ABCG4: variants seen among roughly 807,000 people sequenced by gnomAD.
ABCG4 encodes ATP-binding cassette sub-family G member 4.
Under a neutral mutation model 64.6 loss-of-function variants are expected in ABCG4, and 35 were observed. That is an observed-to-expected ratio of 0.54 (90% CI 0.41 to 0.72). The LOEUF (loss-of-function observed/expected upper bound fraction) is 0.72, where lower values mean the gene tolerates loss of function less well. Ranked by LOEUF, ABCG4 falls within the 30% of genes least tolerant of loss-of-function variation. ABCG4 has a pLI of 0.00. For missense variants in ABCG4, 610 were observed against 846.3 expected (o/e 0.72, Z 3.46); for synonymous variants, 326 against 348.2 (o/e 0.94, Z 0.71).
chr11:119,154,492 A>G lies in ABCG4; in HGVS notation c.490-33A>G. The G allele has an allele frequency of 6.2e-7, 1 of 1,614,120 alleles. No homozygotes were observed. The highest frequency in any genetic ancestry group is 1.3e-5 in the African/African-American group (1 of 75,048). ...GGTTCAAGGCAGAGCTCCCTCCCAC[A>G]CATACTTTTCTTGCTTACTCTCTGG... On this transcript the variant is annotated intron_variant, in intron 4 of 14. Coordinates refer to ENST00000619701, the MANE Select transcript of ABCG4 (RefSeq NM_022169.5). This position sits in a 1 kb window ranked among gnomAD's most constrained non-coding sequence, Gnocchi z 7.0.
chr11:119,158,901 C>G lies in ABCG4; in HGVS notation c.1409C>G (p.Ala470Gly). ...YWYSLKAYYL[A>G]KTMADVPFQV... is the part of the protein sequence containing the mutation. ...TACAGCCTCAAAGCGTATTACCTGG[C>G]CAAGACCATGGCTGACGTGCCCTTT... is the stretch of plus-strand genomic sequence containing the variant. The change falls in exon 12 of 15, where the codon GCC becomes GGC. Residue 470 changes from alanine to glycine, a missense_variant. Physicochemically the swap from Ala to Gly is moderately conservative, Grantham distance 60. Transcript: ENST00000619701. This position sits in a 1 kb window ranked among gnomAD's most constrained non-coding sequence, Gnocchi z 4.5. 1 of 1,614,226 alleles carries G rather than the reference C, an allele frequency of 6.2e-7. No homozygotes were observed. Among genetic ancestry groups the G allele is most frequent in the Non-Finnish European group, 8.5e-7 (1 of 1,180,030 alleles).
At chr11:119,152,300 T>C (rs996841220) in intron 2 of ABCG4, among the ~76,000 whole-genome samples, 1 of 152,160 alleles carries the variant, frequency 6.6e-6, no homozygotes, top group Non-Finnish European at 1.5e-5. Flanking sequence ...CAGTTGAAGC[T>C]TTGTAAACCA....
chr11:119,156,136 T>G lies in ABCG4; in HGVS notation c.687-193T>G. 1.5e-6 allele frequency: 1 copy of G among 662,712 alleles called. No homozygotes were observed. Among genetic ancestry groups the G allele is most frequent in the South Asian group, 1.8e-5 (1 of 54,236 alleles). 41.1% of individuals were successfully genotyped at this position (662,712 alleles called of 1,614,324 possible). ...CATACAACAGGTCCTCAATATATGC[T>G]TATGAAACTGAACAGTGCTCTTGGC... On this transcript the variant is annotated intron_variant, in intron 6 of 14. Transcript: ENST00000619701. The surrounding 1 kb of genome is among the most constrained non-coding windows in gnomAD (Gnocchi z 5.5).
rs1249908670 is a variant in ABCG4, at chr11:119,160,688, G to A, written c.1715+32G>A. 1 of 1,589,716 alleles carries A rather than the reference G, an allele frequency of 6.3e-7. No individual in the cohort carries two copies. ...ACCCCTGCCCTCCTCGTTGGCCTCT[G>A]CTCCTCCCTGGAGGAGTCCATACCC... is the stretch of plus-strand genomic sequence containing the variant. On this transcript the variant is annotated intron_variant, in intron 14 of 14. Coordinates refer to ENST00000619701, the MANE Select transcript of ABCG4 (RefSeq NM_022169.5). This position sits in a 1 kb window ranked among gnomAD's most constrained non-coding sequence, Gnocchi z 4.6.
Position 119,156,581 on chromosome 11 carries a change from G to C in ABCG4, c.828G>C (p.Gln276His). 1 of 1,614,152 alleles carries C rather than the reference G, an allele frequency of 6.2e-7. No individual in the cohort carries two copies. The highest frequency in any genetic ancestry group is 8.5e-7 in the Non-Finnish European group (1 of 1,180,038). ...EMFDKLYILS[Q>H]GQCIFKGVVT... is the part of the protein sequence containing the mutation. ...TGCTGCAGCTCTACATCCTGAGCCA[G>C]GGTCAGTGCATCTTCAAAGGCGTGG... is the stretch of plus-strand genomic sequence containing the variant. Residue 276 changes from glutamine to histidine, a missense_variant, in exon 8 of 15, where the codon CAG becomes CAC. Gln to His is a conservative substitution (Grantham distance 24). Transcript: ENST00000619701. This position sits in a 1 kb window ranked among gnomAD's most constrained non-coding sequence, Gnocchi z 5.5.
chr11:119,150,345 T>C lies in ABCG4; in HGVS notation c.238+142T>C, dbSNP rs149988577. On this transcript the variant is annotated intron_variant, in intron 2 of 14. Coordinates refer to ENST00000619701, the MANE Select transcript of ABCG4 (RefSeq NM_022169.5). The surrounding 1 kb of genome is among the most constrained non-coding windows in gnomAD (Gnocchi z 4.3). ...CACTAAAATCTGGGCCCCAGCCCGT[T>C]GCTCACTGTGCACTCTTGGGGTGTC... 565 of 1,176,378 alleles carry C rather than the reference T, an allele frequency of 4.8e-4. No homozygotes were observed. The highest frequency in any genetic ancestry group is 5.5e-4 in the Admixed American group (23 of 41,734). 72.9% of individuals were successfully genotyped at this position (1,176,378 alleles called of 1,614,324 possible).
Position 119,156,161 on chromosome 11 carries a change from C to T in ABCG4, c.687-168C>T. The T allele has an allele frequency of 1.2e-6, 1 of 833,566 alleles. No homozygotes were observed. The highest frequency in any genetic ancestry group is 1.9e-6 in the Non-Finnish European group (1 of 524,142). The allele number at this position is 833,566 out of a possible 1,614,324, so 51.6% of individuals were successfully genotyped here. On this transcript the variant is annotated intron_variant, in intron 6 of 14. Transcript: ENST00000619701. This position sits in a 1 kb window ranked among gnomAD's most constrained non-coding sequence, Gnocchi z 5.5. ...TTATGAAACTGAACAGTGCTCTTGG[C>T]TTCTGGGTATCCCTCCAAGTGCCTG...
chr11:119,149,823 C>T lies in ABCG4; in HGVS notation c.-12-131C>T, dbSNP rs1399915824. ...GAGAGTGGGGGGCGGGGGCAGAGTG[C>T]GGGGCTAACAGTCGCGGATCTGCCC... is the stretch of plus-strand genomic sequence containing the variant. On this transcript the variant is annotated intron_variant, in intron 1 of 14. Transcript: ENST00000619701. This position sits in a 1 kb window ranked among gnomAD's most constrained non-coding sequence, Gnocchi z 8.3. 13 of 1,359,400 alleles carry T rather than the reference C, an allele frequency of 9.6e-6. No individual in the cohort carries two copies. Among genetic ancestry groups the T allele is most frequent in the Non-Finnish European group, 1.3e-5 (13 of 1,023,874 alleles). The allele number at this position is 1,359,400 out of a possible 1,614,324, so 84.2% of individuals were successfully genotyped here.
intron 9 of ABCG4, among the ~76,000 whole-genome samples, chr11:119,157,613 C>T (rs1314063557): frequency 3.3e-5 from 5 of 152,174 alleles, no homozygotes; most frequent in South Asian, 2.1e-4. Context: ...CAGTGGCCCA[C>T]GCCTGTAATC....
At chr11:119,157,844 C>T (rs573415674) in intron 9 of ABCG4, among the ~76,000 whole-genome samples, 22 of 152,012 alleles carry the variant, frequency 1.4e-4, no homozygotes, top group South Asian at 2.1e-4. Context: ...CCAGACTGGG[C>T]GACAGAGCGA....
chr11:119,150,290 A>T lies in ABCG4; in HGVS notation c.238+87A>T. The T allele has an allele frequency of 6.6e-7, 1 of 1,526,376 alleles. No individual in the cohort carries two copies. Among genetic ancestry groups the T allele is most frequent in the South Asian group, 1.2e-5 (1 of 81,804 alleles). The allele number at this position is 1,526,376 out of a possible 1,614,324, so 94.6% of individuals were successfully genotyped here. ...TGAGGCCTGGGTGTCCCATGTTCGG[A>T]AAGTCCTGCACCAGTGGGCTCTGTG... On this transcript the variant is annotated intron_variant, in intron 2 of 14. Coordinates refer to ENST00000619701, the MANE Select transcript of ABCG4 (RefSeq NM_022169.5). The surrounding 1 kb of genome is among the most constrained non-coding windows in gnomAD (Gnocchi z 4.3).
rs766466610 is a variant in ABCG4, at chr11:119,160,024, G to A, written c.1438-203G>A. Among the ~76,000 whole-genome samples, 8 of 151,892 alleles carry A rather than the reference G, an allele frequency of 5.3e-5. No homozygotes were observed. The highest frequency in any genetic ancestry group is 2.1e-4 in the South Asian group (1 of 4,818). On this transcript the variant is annotated intron_variant, in intron 12 of 14. Transcript: ENST00000619701. The surrounding 1 kb of genome is among the most constrained non-coding windows in gnomAD (Gnocchi z 4.6). ...AGTCAGGGTGGACCAAACGGAAGAC[G>A]TGAGACGAGATAAGTGATGGTCATA...
chr11:119,157,891 A>C (rs1053295075), intron 9 of ABCG4, among the ~76,000 whole-genome samples: 4 of 152,184 alleles, frequency 2.6e-5, no homozygotes, highest in Non-Finnish European at 5.9e-5. Flanking sequence ...CAAAACAAAA[A>C]AAACCCAAAA....
In ABCG4 at chr11:119,156,658, A is replaced by T. The variant is rs1214429256; in HGVS notation, c.905A>T (p.Tyr302Phe). 3.1e-6 allele frequency: 5 copies of T among 1,613,984 alleles called. No homozygotes were observed. The highest frequency in any genetic ancestry group is 4.2e-6 in the Non-Finnish European group (5 of 1,179,980). The change falls in exon 8 of 15, where the codon TAC becomes TTC. Residue 302 changes from tyrosine to phenylalanine, a missense_variant. Physicochemically the swap from Tyr to Phe is conservative, Grantham distance 22 (BLOSUM62 3). Coordinates refer to ENST00000619701, the MANE Select transcript of ABCG4 (RefSeq NM_022169.5). The surrounding 1 kb of genome is among the most constrained non-coding windows in gnomAD (Gnocchi z 5.5). The part of the protein sequence containing the change: ...LKGLGLHCPT[Y>F]HNPADFIIEV... Reference sequence around the variant, plus strand: ...GGACTCGGCTTGCATTGCCCCACCTACCACAACCCGGCTGACTTCAGTGAG... The same window carrying T: ...GGACTCGGCTTGCATTGCCCCACCTTCCACAACCCGGCTGACTTCAGTGAG...
At position 119,161,752 on chromosome 11, in the gene ABCG4, T is replaced by G. The variant is rs1948357508; in HGVS notation, c.*646T>G. On this transcript the variant is annotated 3_prime_UTR_variant, in exon 15 of 15. Coordinates refer to ENST00000619701, the MANE Select transcript of ABCG4 (RefSeq NM_022169.5). ...TGGGGATTGGAGAGGCCTGGGGCTG[T>G]GGGATGCCCCATCCCCCTCCCCATC... is the stretch of plus-strand genomic sequence containing the variant. 1 of 152,794 alleles carries G rather than the reference T, an allele frequency of 6.5e-6. No individual in the cohort carries two copies. The highest frequency in any genetic ancestry group is 6.5e-5 in the Admixed American group (1 of 15,300). 9.5% of individuals were successfully genotyped at this position (152,794 alleles called of 1,614,324 possible).
chr11:119,160,790 G>A lies in ABCG4; in HGVS notation c.1716-91G>A. ...CAGGGGCACCCTGGCTGCACCCCAG[G>A]GATGACAGCATTGCAGCTGGGCTCT... On this transcript the variant is annotated intron_variant, in intron 14 of 14. Coordinates refer to ENST00000619701, the MANE Select transcript of ABCG4 (RefSeq NM_022169.5). The surrounding 1 kb of genome is among the most constrained non-coding windows in gnomAD (Gnocchi z 4.6). The A allele has an allele frequency of 1.3e-6, 2 of 1,515,400 alleles. No homozygotes were observed. The highest frequency in any genetic ancestry group is 9.1e-7 in the Non-Finnish European group (1 of 1,099,640). 93.9% of individuals were successfully genotyped at this position (1,515,400 alleles called of 1,614,324 possible).
rs1433130414 is a variant in ABCG4 at position 119,149,273 on chromosome 11, C to G, written c.-103C>G. 5.9e-5 allele frequency: 9 copies of G among 151,286 alleles called. No individual in the cohort carries two copies. The highest frequency in any genetic ancestry group is 1.3e-4 in the Non-Finnish European group (9 of 67,736). The allele number at this position is 151,286 out of a possible 1,614,324, so 9.4% of individuals were successfully genotyped here. A position where few individuals can be genotyped will look rare whatever the true frequency, so the allele number is the denominator to read the frequency against. On this transcript the variant is annotated 5_prime_UTR_variant, in exon 1 of 15. Transcript: ENST00000619701. The surrounding 1 kb of genome is among the most constrained non-coding windows in gnomAD (Gnocchi z 8.3). ...GAGCCGGGACGCGGGTGCCGCAGCC[C>G]GAGGCAGGTAAGGGGAGCCCCGGCT...
chr11:119,156,909 C>G lies in ABCG4; in HGVS notation c.963C>G (p.Asn321Lys). 1 of 1,613,670 alleles carries G rather than the reference C, an allele frequency of 6.2e-7. No individual in the cohort carries two copies. Among genetic ancestry groups the G allele is most frequent in the Non-Finnish European group, 8.5e-7 (1 of 1,179,782 alleles). The change falls in exon 9 of 15, where the codon AAC (asparagine) becomes AAG (lysine). Residue 321 changes from asparagine to lysine, a missense_variant. Transcript: ENST00000619701. This position sits in a 1 kb window ranked among gnomAD's most constrained non-coding sequence, Gnocchi z 5.5. ...EVASGEYGDL[N>K]PMLFRAVQNG... ...CCTCTGGCGAGTATGGAGACCTGAA[C>G]CCCATGTTGTTCAGGGCTGTGCAGA...
rs919131196 is a variant in ABCG4 at position 119,160,939 on chromosome 11, T to C, written c.1774T>C (p.Cys592Arg). ...TGGCATGGAGCGAGGAGACCTGACA[T>C]GTTTAGAGGAACGCTGCCCGTTCCG... ...IYGMERGDLT[C>R]LEERCPFREP... Residue 592 changes from cysteine (C) to arginine (R), a missense_variant, in exon 15 of 15, where the codon TGT (cysteine) becomes CGT (arginine). Cys to Arg is a radical substitution (Grantham distance 180, BLOSUM62 -3). Transcript: ENST00000619701. The surrounding 1 kb of genome is among the most constrained non-coding windows in gnomAD (Gnocchi z 4.6). The C allele has an allele frequency of 1.2e-6, 2 of 1,614,032 alleles. No individual in the cohort carries two copies. Among genetic ancestry groups the C allele is most frequent in the South Asian group, 1.1e-5 (1 of 91,080 alleles).
Sources: allele counts gnomAD v4.1 joint callset (sites outside exome capture counted in the v4.1 genomes callset), GRCh38; gene constraint gnomAD v4.1.1; non-coding constraint Gnocchi (gnomAD v3.1); transcripts MANE v1.5; gene names NCBI Gene and HGNC (gene_info 2026-07-23, HGNC 2026-07-21).